PPEF2: variants seen among roughly 807,000 people sequenced by gnomAD.
PPEF2 encodes protein phosphatase with EF-hand domain 2, also known as serine/threonine-protein phosphatase with EF-hands 2.
Under a neutral mutation model 84.7 loss-of-function variants are expected in PPEF2, and 84 were observed. That is an observed-to-expected ratio of 0.99 (90% CI 0.83 to 1.19). The LOEUF (loss-of-function observed/expected upper bound fraction) is 1.19. Ranked by LOEUF, PPEF2 falls within the 50% of genes most tolerant of loss-of-function variation. The pLI, the probability that PPEF2 is intolerant of heterozygous loss-of-function variation, is 0.00. For missense variants in PPEF2, 924 were observed against 937.5 expected (o/e 0.99, Z 0.19); for synonymous variants, 346 against 345.2 (o/e 1.00, Z -0.03).
Position 75,876,511 on chromosome 4 carries a change from C to T in PPEF2, c.1096G>A (p.Ala366Thr), listed in dbSNP as rs775630694. 9 of 1,613,964 alleles carry T rather than the reference C, an allele frequency of 5.6e-6. No individual in the cohort carries two copies. The South Asian group carries it at 7.7e-5, about 14-fold the overall frequency. Residue 366 changes from alanine to threonine, a missense_variant, in exon 11 of 17, where the codon GCC (alanine) becomes ACC (threonine). Transcript: ENST00000286719. ...CTGGAGGACCTGCTGGTTTTCTGGG[C>T]CTTGTAGGAGCCAAGCCGAAGGGGC... The part of the protein sequence containing the change: ...SSPLRLGSYK[A>T]QKTSRSSSIP...
chr4:75,872,238 C>T (rs1408646617), intron 12 of PPEF2, 71 bp from the exon 13 acceptor site: 5 of 1,408,978 alleles, frequency 3.5e-6, no homozygotes, highest in African/African-American at 1.4e-5. Context: ...TCCTATGTGG[C>T]CCAACTCAAC....
intron 1 of PPEF2, among the ~76,000 whole-genome samples, chr4:75,898,902 T>C (rs1033199083): frequency 2.6e-5 from 4 of 152,094 alleles, no homozygotes; most frequent in Non-Finnish European, 5.9e-5. Flanking sequence ...AAATATACAA[T>C]GCATTATTGT....
At chr4:75,868,750 C>T (rs1255407209) in intron 13 of PPEF2, among the ~76,000 whole-genome samples, 1 of 152,118 alleles carries the variant, frequency 6.6e-6, no homozygotes, top group Non-Finnish European at 1.5e-5. Flanking sequence ...TGCCTATAAT[C>T]CCAGCACTTT....
intron 4 of PPEF2, among the ~76,000 whole-genome samples, chr4:75,890,966 T>TGAGGCCAGGAGTTC (rs1344616650): frequency 6.6e-6 from 1 of 152,084 alleles, no homozygotes; most frequent in Non-Finnish European, 1.5e-5. Context: ...GTGGATCGCT[T>TGAGGCCAGGAGTTC]GAGGCCAGGA....
At position 75,882,941 on chromosome 4, in the gene PPEF2, T is replaced by C; in HGVS notation, c.918A>G (p.Lys306=). 3 of 1,612,550 alleles carry C rather than the reference T, an allele frequency of 1.9e-6. No homozygotes were observed. Among genetic ancestry groups the C allele is most frequent in the Non-Finnish European group, 2.5e-6 (3 of 1,179,456 alleles). Residue 306 remains lysine (K), a synonymous_variant, in exon 10 of 17, where the codon AAA becomes AAG. Coordinates refer to ENST00000286719, the MANE Select transcript of PPEF2 (RefSeq NM_006239.3). ...SDITDLELLD[K]IERSKIVSTM... is the part of the protein sequence containing the mutation. ...TAACCACTACCTTGCTCCTCTCTAT[T>C]TTGTCCAAAAGCTCCAGATCAGTTA...
intron 13 of PPEF2, among the ~76,000 whole-genome samples, chr4:75,870,902 T>TATTTATTTATTC (rs1188601216): frequency 6.6e-6 from 1 of 151,046 alleles, no homozygotes; most frequent in African/African-American, 2.4e-5. Flanking sequence ...TTTATTTATT[T>TATTTATTTATTC]ATTTTTATTT....
chr4:75,897,204 T>C (rs1235370131), intron 1 of PPEF2, among the ~76,000 whole-genome samples: 1 of 152,148 alleles, frequency 6.6e-6, no homozygotes, highest in Non-Finnish European at 1.5e-5. Context: ...GATACTAAAC[T>C]CTTATGTTTA....
At chr4:75,869,461 G>A (rs1724214332) in intron 13 of PPEF2, among the ~76,000 whole-genome samples, 1 of 152,208 alleles carries the variant, frequency 6.6e-6, no homozygotes, top group Non-Finnish European at 1.5e-5. Context: ...TACCTATCTG[G>A]CTATGCTGGC....
chr4:75,889,832 A>G, intron 5 of PPEF2, 125 bp downstream of exon 5: 2 of 1,075,262 alleles, frequency 1.9e-6, no homozygotes, highest in South Asian at 2.9e-5. Flanking sequence ...CAGGGGTAGA[A>G]TCTCTCTAGT....
chr4:75,883,020 A>G lies in PPEF2; in HGVS notation c.839T>C (p.Leu280Pro), dbSNP rs1232208068. The G allele has an allele frequency of 6.8e-6, 11 of 1,614,218 alleles. No homozygotes were observed. Among genetic ancestry groups the G allele is most frequent in the Non-Finnish European group, 9.3e-6 (11 of 1,180,028 alleles). ...AACTTTCTCATCTATCAGAGTGGCC[A>G]GTGGAAGCCAACAGAAAACATCTTG... ...TLQDVFCWLP[L>P]ATLIDEKVLI... The change falls in exon 10 of 17, where the codon CTG (leucine) becomes CCG (proline). Residue 280 changes from leucine (L) to proline (P), a missense_variant. Physicochemically the swap from Leu to Pro is moderately conservative, Grantham distance 98. Transcript: ENST00000286719.
intron 10 of PPEF2, among the ~76,000 whole-genome samples, chr4:75,878,892 G>A (rs1166972099): frequency 6.6e-6 from 1 of 152,046 alleles, no homozygotes; most frequent in East Asian, 1.9e-4. Context: ...AATTCATATC[G>A]ACTCAAACTC....
At chr4:75,871,212 G>A (rs1287873283) in intron 13 of PPEF2, among the ~76,000 whole-genome samples, 3 of 152,028 alleles carry the variant, frequency 2.0e-5, no homozygotes, top group South Asian at 2.1e-4. Context: ...GAGCCACCGC[G>A]CCCGGCCAAA....
At chr4:75,871,987 A>ATT in intron 13 of PPEF2, 38 bp downstream of exon 13, 7 of 1,515,212 alleles carry the variant, frequency 4.6e-6, no homozygotes, top group African/African-American at 2.8e-5. Flanking sequence ...GAACACTATA[A>ATT]TTTTTTTTTC....
Position 75,876,460 on chromosome 4 carries a change from C to A in PPEF2, c.1147G>T (p.Gly383Trp), listed in dbSNP as rs1359380774. The A allele has an allele frequency of 6.2e-6, 10 of 1,613,910 alleles. No individual in the cohort carries two copies. Among genetic ancestry groups the A allele is most frequent in the Admixed American group, 1.7e-5 (1 of 59,996 alleles). Reference protein sequence around the residue: ...SSIPCSGSLDGRELSRQVRSS... With the variant: ...SSIPCSGSLDWRELSRQVRSS... ...CGCACCTGCCGGGAGAGCTCCCGCC[C>A]GTCCAGGGAACCGCTGCAGGGGATG... The change falls in exon 11 of 17, where the codon GGG becomes TGG. Residue 383 changes from glycine (G) to tryptophan (W), a missense_variant. Coordinates refer to ENST00000286719, the MANE Select transcript of PPEF2 (RefSeq NM_006239.3).
chr4:75,876,323 T>C lies in PPEF2; in HGVS notation c.1284A>G (p.Gly428=), dbSNP rs1305743587. The part of the protein sequence containing the change: ...RSASEADSEA[G]ELRKPTQEEW... ...CCTCCTGAGTGGGCTTCCGCAGCTC[T>C]CCGGCTTCAGAGTCTGCTTCTGAGG... is the stretch of plus-strand genomic sequence containing the variant. Residue 428 remains glycine (G), a synonymous_variant, in exon 11 of 17, where the codon GGA becomes GGG. Transcript: ENST00000286719. The C allele has an allele frequency of 6.2e-7, 1 of 1,612,668 alleles. No individual in the cohort carries two copies. Among genetic ancestry groups the C allele is most frequent in the East Asian group, 2.2e-5 (1 of 44,860 alleles).
At chr4:75,895,302 G>A (rs1039097396) in intron 2 of PPEF2, among the ~76,000 whole-genome samples, 14 of 151,848 alleles carry the variant, frequency 9.2e-5, no homozygotes, top group Non-Finnish European at 4.4e-5. Context: ...GGTGGCACCC[G>A]CCTGTAATCC....
Position 75,866,577 on chromosome 4 carries a change from T to C in PPEF2, c.1757-225A>G, listed in dbSNP as rs1231458422. ...TTTTAATTGAAGACAGACAGTAAAG[T>C]ATATAAAAGTGCCAAATATTGCATA... On this transcript the variant is annotated intron_variant, in intron 14 of 16. Coordinates refer to ENST00000286719, the MANE Select transcript of PPEF2 (RefSeq NM_006239.3). The C allele has an allele frequency of 1.2e-5, 7 of 590,270 alleles. No homozygotes were observed. In the African/African-American group the frequency reaches 1.3e-4, roughly 11 times the overall value. The allele number at this position is 590,270 out of a possible 1,614,324, so 36.6% of individuals were successfully genotyped here. A position where few individuals can be genotyped will look rare whatever the true frequency, so the allele number is the denominator to read the frequency against.
intron 13 of PPEF2, among the ~76,000 whole-genome samples, chr4:75,869,455 T>A (rs1410125737): frequency 6.6e-6 from 1 of 152,208 alleles, no homozygotes; most frequent in Non-Finnish European, 1.5e-5. Flanking sequence ...GCCAGATACC[T>A]ATCTGGCTAT....
intron 6 of PPEF2, 122 bp from the exon 7 acceptor site, chr4:75,887,020 A>G: frequency 9.9e-6 from 5 of 504,804 alleles, no homozygotes; most frequent in Non-Finnish European, 1.8e-5. Flanking sequence ...AGTTTTCCAT[A>G]TGTAAGATAA....
Sources: allele counts gnomAD v4.1 joint callset (sites outside exome capture counted in the v4.1 genomes callset), GRCh38; gene constraint gnomAD v4.1.1; transcripts MANE v1.5; gene names NCBI Gene and HGNC (gene_info 2026-07-23, HGNC 2026-07-21).